Variants in PEX2 observed in about 807,000 individuals in gnomAD.
The protein encoded by PEX2 is peroxisome biogenesis factor 2.
A neutral mutation model predicts 25.2 loss-of-function variants in PEX2; 19 were observed. That is an observed-to-expected ratio of 0.75 (90% confidence interval 0.53 to 1.10). PEX2 has a LOEUF of 1.10. Among genes scored for constraint, PEX2 ranks in the 50% least tolerant of loss-of-function variants. PEX2 has a pLI of 0.00. For missense variants in PEX2, 347 were observed against 350.6 expected (o/e 0.99, Z 0.08); for synonymous variants, 141 against 127.7 (o/e 1.10, Z -0.70).
At chr8:76,988,903 A>C (rs192544273) in intron 1 of PEX2, among the ~76,000 whole-genome samples, 16 of 152,116 alleles carry the variant, frequency 1.1e-4, no homozygotes, top group African/African-American at 3.6e-4. Context: ...TATCCATAAG[A>C]AGCAACTCAC....
intron 1 of PEX2, among the ~76,000 whole-genome samples, chr8:76,992,837 G>C (rs2132056030): frequency 1.3e-5 from 2 of 152,270 alleles, no homozygotes; most frequent in East Asian, 3.9e-4. Flanking sequence ...AAAGACATAG[G>C]AAATCAGGAC....
intron 3 of PEX2, among the ~76,000 whole-genome samples, chr8:76,985,858 C>T (rs201117016): frequency 1.3e-5 from 2 of 152,204 alleles, no homozygotes; most frequent in East Asian, 3.9e-4. Context: ...GATAAAATGA[C>T]CTTCAAAGTC....
chr8:76,995,515 G>A (rs1295380329), intron 1 of PEX2, among the ~76,000 whole-genome samples: 1 of 151,604 alleles, frequency 6.6e-6, no homozygotes, highest in Non-Finnish European at 1.5e-5. Context: ...TTGCATTTAG[G>A]GAGAAGAGGA....
chr8:76,993,390 A>G (rs1229211767), intron 1 of PEX2, among the ~76,000 whole-genome samples: 2 of 152,198 alleles, frequency 1.3e-5, no homozygotes, highest in Non-Finnish European at 2.9e-5. Context: ...GAAAAGTCAA[A>G]GTAATTTAAC....
Position 76,981,663 on chromosome 8 carries a change from A to C in PEX2, c.*1598T>G, listed in dbSNP as rs566557726. ...AATGCTATTTTTTATGCATTATAATAATTTTGTAAATAAGAAATGTACGTG... is the reference window on the plus strand; with the variant it reads ...AATGCTATTTTTTATGCATTATAATCATTTTGTAAATAAGAAATGTACGTG... On this transcript the variant is annotated 3_prime_UTR_variant, in exon 4 of 4. Transcript: ENST00000357039. The C allele has an allele frequency of 6.6e-6, 1 of 152,294 alleles. No individual in the cohort carries two copies. Among genetic ancestry groups the C allele is most frequent in the African/African-American group, 2.4e-5 (1 of 41,554 alleles). 9.4% of individuals were successfully genotyped at this position (152,294 alleles called of 1,614,324 possible).
At chr8:76,999,617 A>C (rs1330997593) in intron 1 of PEX2, among the ~76,000 whole-genome samples, 2 of 152,182 alleles carry the variant, frequency 1.3e-5, no homozygotes, top group African/African-American at 2.4e-5. Flanking sequence ...ATATTAAGTA[A>C]AGTTTGGATC....
intron 1 of PEX2, among the ~76,000 whole-genome samples, chr8:76,993,960 G>T (rs1157369127): frequency 3.9e-5 from 6 of 152,166 alleles, no homozygotes. Context: ...ATGTGAAAAA[G>T]ATGCTTAAGG....
rs1307646953 is a variant in PEX2, at chr8:76,983,367, C to T, written c.812G>A (p.Ser271Asn). 1 of 1,613,900 alleles carries T rather than the reference C, an allele frequency of 6.2e-7. No homozygotes were observed. Among genetic ancestry groups the T allele is most frequent in the Non-Finnish European group, 8.5e-7 (1 of 1,180,008 alleles). The change falls in exon 4 of 4, where the codon AGT becomes AAT. Residue 271 changes from serine to asparagine, a missense_variant. Physicochemically the swap from Ser to Asn is conservative, Grantham distance 46 (BLOSUM62 1). Transcript: ENST00000357039. ...HIFCYFCAKS[S>N]FLFDVYFTCP... ...AGTAAAGTACACGTCAAATAAGAAA[C>T]TACTCTTAGCACAGAAATAACAGAA...
chr8:76,987,778 CA>C (rs967384485), intron 2 of PEX2: 1 of 151,862 alleles, frequency 6.6e-6, no homozygotes, highest in African/African-American at 2.4e-5. Context: ...AGAAATAAGC[CA>C]AGAAAAACTG....
At chr8:76,984,743 A>G (rs1806956406) in intron 3 of PEX2, among the ~76,000 whole-genome samples, 1 of 152,186 alleles carries the variant, frequency 6.6e-6, no homozygotes, top group Non-Finnish European at 1.5e-5. Context: ...TACATTTTAT[A>G]TGTGTAAAGG....
upstream of PEX2, chr8:77,000,228 G>A (rs1283325485): frequency 6.8e-6 from 2 of 296,144 alleles, no homozygotes; most frequent in South Asian, 2.7e-5. Flanking sequence ...ACGCCGACAA[G>A]CCGAAGAGCC....
chr8:76,992,842 C>G (rs1807213376), intron 1 of PEX2, among the ~76,000 whole-genome samples: 1 of 152,148 alleles, frequency 6.6e-6, no homozygotes, highest in Non-Finnish European at 1.5e-5. Flanking sequence ...CATAGGAAAT[C>G]AGGACTGGCC....
In PEX2 at chr8:76,983,049, TGATTTAA is replaced by T. The variant is rs1223763937; in HGVS notation, c.*205_*211del. 5.3e-6 allele frequency: 7 copies of T among 1,316,490 alleles called. No homozygotes were observed. Among genetic ancestry groups the T allele is most frequent in the Non-Finnish European group, 7.0e-6 (7 of 1,005,028 alleles). The allele number at this position is 1,316,490 out of a possible 1,614,324, so 81.6% of individuals were successfully genotyped here. On this transcript the variant is annotated 3_prime_UTR_variant, in exon 4 of 4. Coordinates refer to ENST00000357039, the MANE Select transcript of PEX2 (RefSeq NM_000318.3). ...TCTTGACATTAAAAATTGAATGCAA[TGATTTAA>T]AAAACATAATACATTAACATTTACA...
rs539067985 is a variant in PEX2, at chr8:76,981,954, G to C, written c.*1307C>G. The C allele has an allele frequency of 6.6e-6, 1 of 152,144 alleles. No individual in the cohort carries two copies. The highest frequency in any genetic ancestry group is 6.5e-5 in the Admixed American group (1 of 15,276). 9.4% of individuals were successfully genotyped at this position (152,144 alleles called of 1,614,324 possible). On this transcript the variant is annotated 3_prime_UTR_variant, in exon 4 of 4. Coordinates refer to ENST00000357039, the MANE Select transcript of PEX2 (RefSeq NM_000318.3). ...AATGTAAACTCCATGAAGGTAACTTGATTTTTCCTGCTTAATATACTGTTG... is the reference window on the plus strand; with the variant it reads ...AATGTAAACTCCATGAAGGTAACTTCATTTTTCCTGCTTAATATACTGTTG...
upstream of PEX2, chr8:77,000,319 G>C (rs965726782): frequency 1.5e-4 from 44 of 289,196 alleles, no homozygotes; most frequent in Non-Finnish European, 2.8e-4. Context: ...TGATTGGCAG[G>C]AGAGTCACGA....
chr8:76,989,279 C>A (rs1807094605), intron 1 of PEX2, among the ~76,000 whole-genome samples: 1 of 152,100 alleles, frequency 6.6e-6, no homozygotes, highest in Non-Finnish European at 1.5e-5. Context: ...CTAATTATAG[C>A]TCTCTTACTA....
chr8:77,000,099 C>T, upstream of PEX2: 1 of 379,110 alleles, frequency 2.6e-6, no homozygotes, highest in Non-Finnish European at 5.2e-6. Context: ...CCGGAACTCG[C>T]AGGCTTCCGG....
rs1479637373 is a variant in PEX2, at chr8:76,982,258, T to C, written c.*1003A>G. 1 of 152,208 alleles carries C rather than the reference T, an allele frequency of 6.6e-6. No individual in the cohort carries two copies. The highest frequency in any genetic ancestry group is 1.5e-5 in the Non-Finnish European group (1 of 68,034). 9.4% of individuals were successfully genotyped at this position (152,208 alleles called of 1,614,324 possible). A position where few individuals can be genotyped will look rare whatever the true frequency, so the allele number is the denominator to read the frequency against. On this transcript the variant is annotated 3_prime_UTR_variant, in exon 4 of 4. Transcript: ENST00000357039. ...GAATTATCTTGATTATGCACTGCTG[T>C]TACTATTCCCATGCTAAAGACCCCT...
chr8:76,990,682 C>T (rs916896462), intron 1 of PEX2, among the ~76,000 whole-genome samples: 2 of 152,032 alleles, frequency 1.3e-5, no homozygotes, highest in Non-Finnish European at 2.9e-5. Context: ...TATATGGATA[C>T]AGTTCTTGGT....
Sources: gnomAD v4.1 joint callset for allele counts (sites outside exome capture counted in the v4.1 genomes callset) on GRCh38, gnomAD v4.1.1 for gene constraint, MANE v1.5 for transcripts, NCBI Gene and HGNC (gene_info 2026-07-23, HGNC 2026-07-21) for gene names.